The following MROH2A variants were observed in gnomAD, a reference collection of about 807,000 sequenced individuals.
The protein encoded by MROH2A is maestro heat like repeat family member 2A.
MROH2A carries 174 observed loss-of-function variants against 200.4 expected under a neutral mutation model. The ratio of observed to expected loss-of-function variants is 0.87; its 90% CI spans 0.77 to 0.98. MROH2A has a LOEUF of 0.98. Among genes scored for constraint, MROH2A ranks in the 50% least tolerant of loss-of-function variants. The probability of loss-of-function intolerance (pLI) is 0.00; values close to 1 mark genes in which losing one functional copy is unlikely to be tolerated. For missense variants in MROH2A, 2,045 were observed against 2,139.6 expected, an observed-to-expected ratio of 0.96 and a Z score of 0.87; for synonymous variants, 829 against 840.4, an observed-to-expected ratio of 0.99 and a Z score of 0.23.
chr2:233,800,679 T>G (rs950982587), intron 14 of MROH2A, among the ~76,000 whole-genome samples: 8 of 152,112 alleles, frequency 5.3e-5, no homozygotes, highest in African/African-American at 1.9e-4. Flanking sequence ...ACCAATGATT[T>G]TCATGGTTTA....
chr2:233,779,606 G>A, intron 2 of MROH2A, 65 bp from the exon 3 acceptor site: 1 of 1,519,636 alleles, frequency 6.6e-7, no homozygotes, highest in Admixed American at 2.0e-5. Flanking sequence ...CAAGGCCAGG[G>A]ACACAAGGGC....
At chr2:233,799,366 G>C (rs1345416776) in intron 12 of MROH2A, among the ~76,000 whole-genome samples, 1 of 152,160 alleles carries the variant, frequency 6.6e-6, no homozygotes, top group African/African-American at 2.4e-5. Context: ...ATGGGGGCTA[G>C]AGATTTAGGC....
chr2:233,780,135 A>C (rs1477489034), intron 3 of MROH2A, among the ~76,000 whole-genome samples: 1 of 152,206 alleles, frequency 6.6e-6, no homozygotes, highest in African/African-American at 2.4e-5. Flanking sequence ...ATGGGAGAGT[A>C]AAGATACACC....
chr2:233,812,343 A>C (rs1703215323), intron 24 of MROH2A, among the ~76,000 whole-genome samples: 1 of 152,216 alleles, frequency 6.6e-6, no homozygotes, highest in Non-Finnish European at 1.5e-5. Flanking sequence ...TGTTGATACC[A>C]CTGGTACAAA....
Position 233,832,345 on chromosome 2 carries a change from C to T in MROH2A, c.4837+66C>T, listed in dbSNP as rs574369304. The T allele has an allele frequency of 3.6e-5, 50 of 1,376,758 alleles. 1 individual carries two copies. Among genetic ancestry groups the T allele is most frequent in the South Asian group, 2.8e-4 (22 of 79,820 alleles). The allele number at this position is 1,376,758 out of a possible 1,614,324, so 85.3% of individuals were successfully genotyped here. A position where few individuals can be genotyped will look rare whatever the true frequency, so the allele number is the denominator to read the frequency against. On this transcript the variant is annotated intron_variant, in intron 40 of 41. Coordinates refer to ENST00000389758, the MANE Select transcript of MROH2A (RefSeq NM_001394639.1). Reference sequence around the variant, plus strand: ...AGGCCCTCTAGTCCACCCCGGCACTCGGGGGAAGGGTGGATCATGAGTGGG... The same window carrying T: ...AGGCCCTCTAGTCCACCCCGGCACTTGGGGGAAGGGTGGATCATGAGTGGG...
rs909396532 is a variant in MROH2A, at chr2:233,784,274, C to T, written c.276+4422C>T. 4.6e-5 allele frequency among the ~76,000 whole-genome samples: 7 copies of T among 152,000 alleles called. No individual in the cohort carries two copies. The East Asian group carries it at 1.3e-3, about 29-fold the overall frequency. ...TTCATTTCAGTAAAATTTTAAATTT[C>T]CTTCTTAATTTCTTTATTGAACCAG... is the stretch of plus-strand genomic sequence containing the variant. On this transcript the variant is annotated intron_variant, in intron 3 of 41. Transcript: ENST00000389758.
Position 233,809,207 on chromosome 2 carries a change from C to G in MROH2A, c.2377C>G (p.Gln793Glu). ...CTGCGTGGCCTCCTACTGCCACCCC[C>G]AGTTGCTCCTCAACCTCGTGGACAG... ...YSCVASYCHPQLLLNLVDSPI... is the reference protein window; with the variant it reads ...YSCVASYCHPELLLNLVDSPI... Residue 793 changes from glutamine to glutamate, a missense_variant, in exon 22 of 42, where the codon CAG becomes GAG. Physicochemically the swap from Gln to Glu is conservative, Grantham distance 29. Coordinates refer to ENST00000389758, the MANE Select transcript of MROH2A (RefSeq NM_001394639.1). The G allele has an allele frequency of 5.8e-6, 9 of 1,550,582 alleles. No homozygotes were observed. The highest frequency in any genetic ancestry group is 7.8e-6 in the Non-Finnish European group (9 of 1,146,984).
chr2:233,819,575 T>C, intron 30 of MROH2A, 106 bp downstream of exon 30: 1 of 1,198,772 alleles, frequency 8.3e-7, no homozygotes, highest in South Asian at 1.5e-5. Flanking sequence ...TGAGAATGCC[T>C]CCCCCAACCC....
upstream of MROH2A, among the ~76,000 whole-genome samples, chr2:233,776,629 T>A (rs1487377973): frequency 1.3e-5 from 2 of 152,186 alleles, no homozygotes; most frequent in Non-Finnish European, 2.9e-5. Flanking sequence ...GGTCTCACTG[T>A]CTTCATGTCC....
At position 233,828,557 on chromosome 2, in the gene MROH2A, C is replaced by T; in HGVS notation, c.4114-73C>T. On this transcript the variant is annotated intron_variant, in intron 35 of 41. Coordinates refer to ENST00000389758, the MANE Select transcript of MROH2A (RefSeq NM_001394639.1). This position sits in a 1 kb window ranked among gnomAD's most constrained non-coding sequence, Gnocchi z 4.6. ...AGAGCCACCAATCTGCATTACCTCT[C>T]CTCCCACGTCCCACCTTGCTGCTGA... 1 of 1,510,210 alleles carries T rather than the reference C, an allele frequency of 6.6e-7. No individual in the cohort carries two copies. The highest frequency in any genetic ancestry group is 1.3e-5 in the South Asian group (1 of 78,944). The allele number at this position is 1,510,210 out of a possible 1,614,324, so 93.6% of individuals were successfully genotyped here. A position where few individuals can be genotyped will look rare whatever the true frequency, so the allele number is the denominator to read the frequency against.
At position 233,795,634 on chromosome 2, in the gene MROH2A, A is replaced by G. The variant is rs1414650027; in HGVS notation, c.967-19A>G. On this transcript the variant is annotated intron_variant, in intron 8 of 41. Coordinates refer to ENST00000389758, the MANE Select transcript of MROH2A (RefSeq NM_001394639.1). ...AGTTGGTAGAAGGTCACCTGCCACCATTTGCCAATCCACTGCAGGTCTTGA... is the reference window on the plus strand; with the variant it reads ...AGTTGGTAGAAGGTCACCTGCCACCGTTTGCCAATCCACTGCAGGTCTTGA... The G allele has an allele frequency of 4.5e-6, 7 of 1,550,794 alleles. No individual in the cohort carries two copies. The highest frequency in any genetic ancestry group is 1.7e-6 in the Non-Finnish European group (2 of 1,147,070).
At chr2:233,788,693 T>G (rs980383390) in intron 3 of MROH2A, among the ~76,000 whole-genome samples, 37 of 150,936 alleles carry the variant, frequency 2.5e-4, no homozygotes, top group African/African-American at 8.5e-4. Context: ...ATCCCAGCAC[T>G]TTGGGAGGCC....
chr2:233,802,930 C>T (rs1279130302), intron 15 of MROH2A, among the ~76,000 whole-genome samples: 2 of 152,244 alleles, frequency 1.3e-5, no homozygotes, highest in Non-Finnish European at 2.9e-5. Flanking sequence ...AGGTCTTCCT[C>T]ATGCCCCTCT....
chr2:233,795,586 C>T (rs944932771), intron 8 of MROH2A, 67 bp from the exon 9 acceptor site: 31 of 1,549,278 alleles, frequency 2.0e-5, no homozygotes, highest in South Asian at 1.4e-4. Flanking sequence ...CCCTGAGTAG[C>T]GAGGGTCTAG....
chr2:233,813,396 T>G (rs1001667189), intron 24 of MROH2A, among the ~76,000 whole-genome samples: 1 of 152,242 alleles, frequency 6.6e-6, no homozygotes, highest in Admixed American at 6.5e-5. Context: ...GGAATGTTTC[T>G]GAGCAGATTA....
chr2:233,817,225 A>C (rs1703597358), intron 27 of MROH2A, among the ~76,000 whole-genome samples: 1 of 152,226 alleles, frequency 6.6e-6, no homozygotes, highest in African/African-American at 2.4e-5. Context: ...AATTTTGCAA[A>C]GCTTGACAAG....
Position 233,789,841 on chromosome 2 carries a change from G to A in MROH2A, c.409-11G>A, listed in dbSNP as rs1701610023. The stretch of plus-strand genomic sequence containing the variant: ...TGGTGGTGCCATATGTCCCTCTTCT[G>A]TCTCCTGCAGATGGAGGGCTATATG... On this transcript the variant is annotated splice_polypyrimidine_tract_variant and intron_variant, in intron 4 of 41. Transcript: ENST00000389758. The A allele has an allele frequency of 6.5e-7, 1 of 1,546,994 alleles. No homozygotes were observed. Among genetic ancestry groups the A allele is most frequent in the Non-Finnish European group, 8.7e-7 (1 of 1,144,972 alleles).
rs1037744038 is a variant in MROH2A, at chr2:233,820,319, G to C, written c.3512+263G>C. On this transcript the variant is annotated intron_variant, in intron 31 of 41. Coordinates refer to ENST00000389758, the MANE Select transcript of MROH2A (RefSeq NM_001394639.1). This position sits in a 1 kb window ranked among gnomAD's most constrained non-coding sequence, Gnocchi z 4.1. The stretch of plus-strand genomic sequence containing the variant: ...CCACATGCCCGGGACAGTGTCTGTG[G>C]AGTTCATTCTCTCCCAGAGTAGCCC... Among the ~76,000 whole-genome samples, 5 of 152,196 alleles carry C rather than the reference G, an allele frequency of 3.3e-5. No individual in the cohort carries two copies. Among genetic ancestry groups the C allele is most frequent in the African/African-American group, 1.2e-4 (5 of 41,456 alleles).
At position 233,807,967 on chromosome 2, in the gene MROH2A, C is replaced by T. The variant is rs1702914648; in HGVS notation, c.2295+112C>T. 1 of 1,332,456 alleles carries T rather than the reference C, an allele frequency of 7.5e-7. No homozygotes were observed. The highest frequency in any genetic ancestry group is 2.1e-5 in the Admixed American group (1 of 47,340). The allele number at this position is 1,332,456 out of a possible 1,614,324, so 82.5% of individuals were successfully genotyped here. A position where few individuals can be genotyped will look rare whatever the true frequency, so the allele number is the denominator to read the frequency against. ...GTAGGAAACTTGCCTCACACGGAGTCTCCTGTCATCAAAATGGCTGAGACA... is the reference window on the plus strand; with the variant it reads ...GTAGGAAACTTGCCTCACACGGAGTTTCCTGTCATCAAAATGGCTGAGACA... On this transcript the variant is annotated intron_variant, in intron 21 of 41. Transcript: ENST00000389758. This position sits in a 1 kb window ranked among gnomAD's most constrained non-coding sequence, Gnocchi z 4.3.
Sources: allele counts gnomAD v4.1 joint callset (sites outside exome capture counted in the v4.1 genomes callset), GRCh38; gene constraint gnomAD v4.1.1; non-coding constraint Gnocchi (gnomAD v3.1); transcripts MANE v1.5; gene names NCBI Gene and HGNC (gene_info 2026-07-23, HGNC 2026-07-21).